The following MUC4 variants were observed in gnomAD, a reference collection of about 807,000 sequenced individuals.
MUC4 encodes mucin-4.
Under a neutral mutation model 257.9 loss-of-function variants are expected in MUC4, and 202 were observed. The ratio of observed to expected loss-of-function variants is 0.78; its 90% CI spans 0.70 to 0.88. The LOEUF is 0.88. Among genes scored for constraint, MUC4 ranks in the 40% least tolerant of loss-of-function variants. The pLI is 0.00. For synonymous variants in MUC4, 2,351 were observed against 2,757.1 expected (o/e 0.85, Z 4.62); for missense variants, 5,976 against 6,513.7 (o/e 0.92, Z 2.84).
chr3:195,769,937 T>C (rs1722422671), intron 6 of MUC4, among the ~76,000 whole-genome samples: 1 of 152,158 alleles, frequency 6.6e-6, no homozygotes, highest in African/African-American at 2.4e-5. Flanking sequence ...GCCAGACATT[T>C]TTGACTTACA....
rs1560348069 is a variant in MUC4 at position 195,783,883 on chromosome 3, G to A, written c.7697C>T (p.Thr2566Ile). 9 of 1,509,694 alleles carry A rather than the reference G, an allele frequency of 6.0e-6. No individual in the cohort carries two copies. Among genetic ancestry groups the A allele is most frequent in the Middle Eastern group, 2.3e-4 (1 of 4,420 alleles). 93.5% of individuals were successfully genotyped at this position (1,509,694 alleles called of 1,614,324 possible). ...GGCGTGACCTGTGGATGCTGCGGAAGTGTCGGTGACAGGAAGAGAGGTGGC... is the reference window on the plus strand; with the variant it reads ...GGCGTGACCTGTGGATGCTGCGGAAATGTCGGTGACAGGAAGAGAGGTGGC... ...GHATSLPVTD[T>I]SAASTGHATP... Residue 2566 changes from threonine to isoleucine, a missense_variant, in exon 2 of 25, where the codon ACT (threonine) becomes ATT (isoleucine). This residue lies in a region of MUC4 where 135 missense variants were observed against 114.7 expected (regional missense o/e 1.18). Coordinates refer to ENST00000463781, the MANE Select transcript of MUC4 (RefSeq NM_018406.7).
chr3:195,788,984 A>G lies in MUC4; in HGVS notation c.2596T>C (p.Ser866Pro), dbSNP rs1400222729. 6.2e-7 allele frequency: 1 copy of G among 1,613,794 alleles called. No individual in the cohort carries two copies. Among genetic ancestry groups the G allele is most frequent in the East Asian group, 2.2e-5 (1 of 44,878 alleles). The change falls in exon 2 of 25, where the codon TCG (serine) becomes CCG (proline). Residue 866 changes from serine to proline, a missense_variant. Physicochemically the swap from Ser to Pro is moderately conservative, Grantham distance 74. Around this residue, in one of 44 missense-constraint regions of MUC4, gnomAD observed 1,583 missense variants for 1,257.4 expected, o/e 1.26. Transcript: ENST00000463781. ...GGATGAAAGGTGCCGGGGACGATCG[A>G]AGACGCCATTCCTGTGCTTACTGGG... ...AIPVSTGMASSIVPGTFHPTL... is the reference protein window; with the variant it reads ...AIPVSTGMASPIVPGTFHPTL...
rs781342121 is a variant in MUC4, at chr3:195,778,379, G to C, written c.12867C>G (p.Thr4289=). The change falls in exon 3 of 25, where the codon ACC becomes ACG. Residue 4289 remains threonine, a synonymous_variant. Coordinates refer to ENST00000463781, the MANE Select transcript of MUC4 (RefSeq NM_018406.7). ...CAGTGCTGGGAATGGTGGAAATGAT[G>C]GTCTGGGAGGTTGTGGGGGGTGGTG... The part of the protein sequence containing the change: ...ATSPPPTTSQ[T]IISTIPSTAM... 6.2e-7 allele frequency: 1 copy of C among 1,613,260 alleles called. No individual in the cohort carries two copies. Among genetic ancestry groups the C allele is most frequent in the South Asian group, 1.1e-5 (1 of 91,076 alleles).
rs533798960 is a variant in MUC4, at chr3:195,751,760, A to T, written c.15583-489T>A. On this transcript the variant is annotated intron_variant, in intron 21 of 24. Transcript: ENST00000463781. ...GGGGAGTGCTAGGCTTGCAGTAGTG[A>T]TAATAGCAGTCATCATGTTTGAATA... The T allele has an allele frequency of 3.7e-5, 8 of 214,318 alleles. No homozygotes were observed. The East Asian group carries it at 7.8e-4, about 21-fold the overall frequency. The allele number at this position is 214,318 out of a possible 1,614,324, so 13.3% of individuals were successfully genotyped here. A position where few individuals can be genotyped will look rare whatever the true frequency, so the allele number is the denominator to read the frequency against.
At chr3:195,794,482 C>T (rs1294329549) in intron 1 of MUC4, among the ~76,000 whole-genome samples, 1 of 152,036 alleles carries the variant, frequency 6.6e-6, no homozygotes, top group African/African-American at 2.4e-5. Flanking sequence ...GTGTAATTGG[C>T]CTTCTGAGTA....
intron 8 of MUC4, 60 bp from the exon 9 acceptor site, chr3:195,765,509 C>T (rs1049693602): frequency 5.9e-6 from 9 of 1,536,634 alleles, no homozygotes; most frequent in East Asian, 4.5e-5. Flanking sequence ...GGCCCTGTCT[C>T]AGCTTTAGGG....
rs778679234 is a variant in MUC4 at position 195,779,493 on chromosome 3, G to C, written c.12087C>G (p.His4029Gln). ...TGCTGGTGACAGGAACAGGGGTGGC[G>C]TGACCTGTGGATGCTGAGGAAGGGC... ...VTSPSSASTG[H>Q]ATPVPVTSTS... Residue 4029 changes from histidine (H) to glutamine (Q), a missense_variant, in exon 2 of 25, where the codon CAC (histidine) becomes CAG (glutamine). Physicochemically the swap from His to Gln is conservative, Grantham distance 24 (BLOSUM62 0). Transcript: ENST00000463781. The C allele has an allele frequency of 9.0e-5, 104 of 1,154,522 alleles. 2 individuals carry two copies. Among genetic ancestry groups the C allele is most frequent in the Middle Eastern group, 2.9e-4 (1 of 3,450 alleles). The allele number at this position is 1,154,522 out of a possible 1,614,324, so 71.5% of individuals were successfully genotyped here.
At chr3:195,747,430 C>T in intron 24 of MUC4, 50 bp from the exon 25 acceptor site, 1 of 1,571,990 alleles carries the variant, frequency 6.4e-7, no homozygotes, top group Non-Finnish European at 8.7e-7. Flanking sequence ...AGCTCAGCCT[C>T]CCAGCCCCTC....
In MUC4 at chr3:195,757,701, T is replaced by C. The variant is rs1274301902; in HGVS notation, c.14987-373A>G. 6.6e-6 allele frequency among the ~76,000 whole-genome samples: 1 copy of C among 152,102 alleles called. No homozygotes were observed. The highest frequency in any genetic ancestry group is 1.5e-5 in the Non-Finnish European group (1 of 68,016). ...CCCCAGGCTGCGCTGCCGGCCAAAC[T>C]GGCTTCACTCTCACGGCAGCCCCAT... On this transcript the variant is annotated intron_variant, in intron 17 of 24. Transcript: ENST00000463781. The surrounding 1 kb of genome is among the most constrained non-coding windows in gnomAD (Gnocchi z 4.8).
intron 1 of MUC4, among the ~76,000 whole-genome samples, chr3:195,796,386 A>G (rs796374478): frequency 4.6e-5 from 7 of 152,200 alleles, no homozygotes; most frequent in African/African-American, 1.4e-4. Context: ...CCCGGCCACT[A>G]TAAACTATTT....
rs1560298741 is a variant in MUC4, at chr3:195,779,383, TGAA to T, written c.12194_12196del (p.Leu4065del). On this transcript the variant is annotated inframe_deletion, in exon 2 of 25. Transcript: ENST00000463781. ...GGATGCTGAGGAAGGGCTGGTGACA[TGAA>T]GAGGGGTGGCGTGACCTGTGGATAA... 1 of 978,096 alleles carries T rather than the reference TGAA, an allele frequency of 1.0e-6. No individual in the cohort carries two copies. The highest frequency in any genetic ancestry group is 1.3e-6 in the Non-Finnish European group (1 of 771,790). The allele number at this position is 978,096 out of a possible 1,614,324, so 60.6% of individuals were successfully genotyped here. A position where few individuals can be genotyped will look rare whatever the true frequency, so the allele number is the denominator to read the frequency against.
chr3:195,758,167 A>T (rs918673332), intron 17 of MUC4, among the ~76,000 whole-genome samples: 1 of 152,186 alleles, frequency 6.6e-6, no homozygotes, highest in Non-Finnish European at 1.5e-5. Context: ...CATCCCTTTG[A>T]TGCCCTTGGA....
At chr3:195,804,694 G>A (rs568254124) in intron 1 of MUC4, among the ~76,000 whole-genome samples, 78 of 152,386 alleles carry the variant, frequency 5.1e-4, no homozygotes, top group African/African-American at 1.8e-3. Flanking sequence ...AGTGCCCAAC[G>A]GTAAGGATGG....
At chr3:195,752,194 G>C in intron 21 of MUC4, 179 bp downstream of exon 21, 1 of 627,918 alleles carries the variant, frequency 1.6e-6, no homozygotes, top group East Asian at 2.7e-5. Flanking sequence ...CGAGGTTTCT[G>C]TCTTGGGCCT....
At position 195,789,420 on chromosome 3, in the gene MUC4, A is replaced by G; in HGVS notation, c.2160T>C (p.His720=). Residue 720 remains histidine, a synonymous_variant, in exon 2 of 25, where the codon CAT becomes CAC. Transcript: ENST00000463781. ...TTALQAAPSS[H]DATLGPSGGT... is the part of the protein sequence containing the mutation. ...CTCCTGAGGGCCCCAGGGTGGCATC[A>G]TGGCTGCTGGGTGCTGCCTGCAGTG... 4 of 1,613,920 alleles carry G rather than the reference A, an allele frequency of 2.5e-6. No individual in the cohort carries two copies. The highest frequency in any genetic ancestry group is 3.4e-6 in the Non-Finnish European group (4 of 1,179,868).
chr3:195,776,730 C>T (rs1300282095), intron 3 of MUC4, among the ~76,000 whole-genome samples: 10 of 87,056 alleles, frequency 1.1e-4, no homozygotes, highest in South Asian at 3.7e-4. Context: ...CCTTCCACAC[C>T]CATACCTTCC....
At chr3:195,804,658 G>T (rs950075390) in intron 1 of MUC4, among the ~76,000 whole-genome samples, 1 of 152,248 alleles carries the variant, frequency 6.6e-6, no homozygotes, top group African/African-American at 2.4e-5. Context: ...AGGCTGCCTC[G>T]GGCAGGGCAG....
At chr3:195,809,198 C>T (rs568735742) in intron 1 of MUC4, among the ~76,000 whole-genome samples, 1 of 152,228 alleles carries the variant, frequency 6.6e-6, no homozygotes, top group African/African-American at 2.4e-5. Flanking sequence ...AGAGCCAGGG[C>T]TGTTCCTTAA....
In MUC4 at chr3:195,781,792, G is replaced by A. The variant is rs1328019514; in HGVS notation, c.9788C>T (p.Thr3263Ile). ...GGAAGTGTCGGTGACAGGAAGAGAG[G>A]TGGTGTCACCTGTGGATGCTGAGGA... ...DTSSASTGDT[T>I]SLPVTDTSSA... Residue 3263 changes from threonine (T) to isoleucine (I), a missense_variant, in exon 2 of 25, where the codon ACC becomes ATC. Physicochemically the swap from Thr to Ile is moderately conservative, Grantham distance 89. This residue lies in a region of MUC4 where 51 missense variants were observed against 66.9 expected (regional missense o/e 0.76). Transcript: ENST00000463781. 8.9e-7 allele frequency: 1 copy of A among 1,127,072 alleles called. No individual in the cohort carries two copies. The highest frequency in any genetic ancestry group is 2.9e-5 in the Admixed American group (1 of 34,402). The allele number at this position is 1,127,072 out of a possible 1,614,324, so 69.8% of individuals were successfully genotyped here. A position where few individuals can be genotyped will look rare whatever the true frequency, so the allele number is the denominator to read the frequency against.
Sources: gnomAD v4.1 joint callset for allele counts (sites outside exome capture counted in the v4.1 genomes callset) on GRCh38, gnomAD v4.1.1 for gene constraint, gnomAD v4.1.1 regional missense constraint, Gnocchi (gnomAD v3.1) non-coding constraint, MANE v1.5 for transcripts, NCBI Gene and HGNC (gene_info 2026-07-23, HGNC 2026-07-21) for gene names.